Variants in HPSE2 observed in about 807,000 individuals in gnomAD.
The protein encoded by HPSE2 is inactive heparanase-2.
In HPSE2, 38 loss-of-function variants were observed where a neutral mutation model predicts 60.5. The ratio of observed to expected loss-of-function variants is 0.63; its 90% CI spans 0.48 to 0.82. HPSE2 has a LOEUF of 0.82. Ranked by LOEUF, HPSE2 falls within the 40% of genes least tolerant of loss-of-function variation. The pLI, the probability that HPSE2 is intolerant of heterozygous loss-of-function variation, is 0.00. For synonymous variants in HPSE2, 295 were observed against 293.2 expected, an observed-to-expected ratio of 1.01 and a Z score of -0.06; for missense variants, 713 against 740.4, an observed-to-expected ratio of 0.96 and a Z score of 0.43.
intron 3 of HPSE2, among the ~76,000 whole-genome samples, chr10:98,992,572 CTATG>C (rs1278440626): frequency 8.5e-5 from 13 of 152,062 alleles, no homozygotes; most frequent in African/African-American, 2.9e-4. Flanking sequence ...TGAGTACCTA[CTATG>C]TACAAGGCAT....
At chr10:98,863,664 A>C (rs954277534) in intron 3 of HPSE2, among the ~76,000 whole-genome samples, 1 of 152,184 alleles carries the variant, frequency 6.6e-6, no homozygotes, top group Non-Finnish European at 1.5e-5. Context: ...TAGCTACCCT[A>C]TGGGTTAAAT....
intron 3 of HPSE2, among the ~76,000 whole-genome samples, chr10:99,012,503 G>A (rs1957041386): frequency 6.6e-6 from 1 of 151,820 alleles, no homozygotes; most frequent in African/African-American, 2.4e-5. Flanking sequence ...TAGGGAGAAA[G>A]TATAAAATGG....
At chr10:99,305,961 ACGCGCGCGCGCGCGCG>A in the HPSE2 span, among the ~76,000 whole-genome samples, 5 of 103,060 alleles carry the variant, frequency 4.9e-5, no homozygotes, top group African/African-American at 2.2e-4. Flanking sequence ...ACTCACACAC[ACGCGCGCGCGCGCGCG>A]CGCACACACA....
chr10:98,489,266 C>T (rs1013540810), intron 10 of HPSE2, among the ~76,000 whole-genome samples: 2 of 152,200 alleles, frequency 1.3e-5, no homozygotes, highest in South Asian at 2.1e-4. Flanking sequence ...GCACCCCCCA[C>T]CCCTGATTAT....
chr10:98,660,687 T>C (rs1947198905), intron 6 of HPSE2, among the ~76,000 whole-genome samples: 1 of 152,170 alleles, frequency 6.6e-6, no homozygotes, highest in Non-Finnish European at 1.5e-5. Flanking sequence ...TTTCAGAGTT[T>C]GAAGATGACC....
chr10:99,313,888 C>T, the HPSE2 span, among the ~76,000 whole-genome samples: 20 of 151,940 alleles, frequency 1.3e-4, no homozygotes, highest in South Asian at 4.2e-4. Flanking sequence ...CATGAGTCAC[C>T]GCGCCCAGCT....
chr10:98,981,822 A>G (rs555522998), intron 3 of HPSE2, among the ~76,000 whole-genome samples: 2 of 152,116 alleles, frequency 1.3e-5, no homozygotes, highest in African/African-American at 2.4e-5. Flanking sequence ...AGAAAAGTCA[A>G]TCCTACCTTT....
chr10:98,779,973 G>A (rs1022348833), intron 3 of HPSE2, among the ~76,000 whole-genome samples: 1 of 152,054 alleles, frequency 6.6e-6, no homozygotes, highest in Non-Finnish European at 1.5e-5. Flanking sequence ...AAGCACGGGG[G>A]TCTCTCATAA....
chr10:98,499,199 A>G (rs1448029753), intron 9 of HPSE2, among the ~76,000 whole-genome samples: 2 of 152,200 alleles, frequency 1.3e-5, no homozygotes, highest in East Asian at 1.9e-4. Flanking sequence ...GCATATTGTC[A>G]TCAGGTTATC....
At chr10:99,169,278 G>A (rs144974225) in intron 2 of HPSE2, among the ~76,000 whole-genome samples, 123 of 150,508 alleles carry the variant, frequency 8.2e-4, no homozygotes, top group African/African-American at 2.8e-3. Flanking sequence ...GACCGAGGCA[G>A]GCGGATCACG....
chr10:98,599,903 T>C lies in HPSE2; in HGVS notation c.1320+15001A>G, dbSNP rs777069861. On this transcript the variant is annotated intron_variant, in intron 9 of 11. Transcript: ENST00000370552. The stretch of plus-strand genomic sequence containing the variant: ...GCTGCTATACTCCCAGCCTTCTTTT[T>C]TGGCTAATTTTAAAGACAAATAGTC... 3.9e-5 allele frequency among the ~76,000 whole-genome samples: 6 copies of C among 152,196 alleles called. No homozygotes were observed. The South Asian group carries it at 1.0e-3, about 26-fold the overall frequency.
chr10:98,868,958 T>C (rs372971086), intron 3 of HPSE2, among the ~76,000 whole-genome samples: 28 of 152,308 alleles, frequency 1.8e-4, no homozygotes, highest in African/African-American at 6.7e-4. Flanking sequence ...TTCAGTCCTC[T>C]AGAATGTATT....
chr10:99,264,296 CCT>C, the HPSE2 span, among the ~76,000 whole-genome samples: 2 of 152,128 alleles, frequency 1.3e-5, no homozygotes, highest in East Asian at 3.9e-4. Context: ...ACTGTGTTAG[CCT>C]GGATGGTTTT....
chr10:98,547,706 A>G (rs981518964), intron 9 of HPSE2, among the ~76,000 whole-genome samples: 21 of 150,546 alleles, frequency 1.4e-4, no homozygotes, highest in Non-Finnish European at 2.5e-4. Context: ...CCTAATGCTA[A>G]ATGACGAGTT....
At chr10:99,266,155 C>CCAGACA in the HPSE2 span, among the ~76,000 whole-genome samples, 1 of 152,132 alleles carries the variant, frequency 6.6e-6, no homozygotes, top group Non-Finnish European at 1.5e-5. Context: ...GAGTGAATCG[C>CCAGACA]CAGCGCAGAC....
intron 3 of HPSE2, among the ~76,000 whole-genome samples, chr10:98,921,104 T>A (rs1954270154): frequency 6.6e-6 from 1 of 152,188 alleles, no homozygotes; most frequent in South Asian, 2.1e-4. Flanking sequence ...CATGTTTCCC[T>A]CTGCCCCTCT....
chr10:99,225,812 T>C (rs1335941142), intron 2 of HPSE2, among the ~76,000 whole-genome samples: 1 of 152,002 alleles, frequency 6.6e-6, no homozygotes, highest in Non-Finnish European at 1.5e-5. Flanking sequence ...AAGATTCCCA[T>C]AATCTGATCT....
chr10:98,565,639 G>A (rs1017572230), intron 9 of HPSE2, among the ~76,000 whole-genome samples: 1 of 152,100 alleles, frequency 6.6e-6, no homozygotes, highest in African/African-American at 2.4e-5. Context: ...GTAAACATAT[G>A]TGTGCATGCG....
chr10:99,129,614 C>T lies in HPSE2; in HGVS notation c.610+14624G>A, dbSNP rs183759106. Among the ~76,000 whole-genome samples the T allele has an allele frequency of 1.6e-3, 238 of 151,748 alleles. 1 individual carries two copies. The highest frequency in any genetic ancestry group is 3.4e-3 in the Middle Eastern group (1 of 294). ...ATAACCGTGATTCAACTTCTCAAAA[C>T]CTCCGGGATACAGCTAAAGCAATGC... On this transcript the variant is annotated intron_variant, in intron 3 of 11. Coordinates refer to ENST00000370552, the MANE Select transcript of HPSE2 (RefSeq NM_021828.5).
Sources: gnomAD v4.1 joint callset for allele counts (sites outside exome capture counted in the v4.1 genomes callset) on GRCh38, gnomAD v4.1.1 for gene constraint, MANE v1.5 for transcripts, NCBI Gene and HGNC (gene_info 2026-07-23, HGNC 2026-07-21) for gene names.